The following GRID2 variants were observed in gnomAD, a reference collection of about 807,000 sequenced individuals.
GRID2 encodes the protein glutamate ionotropic receptor delta type subunit 2.
A neutral mutation model predicts 114.8 loss-of-function variants in GRID2; 33 were observed. The observed-to-expected ratio is 0.29, with a 90% CI of 0.22 to 0.38. The LOEUF is 0.38. Among genes scored for constraint, GRID2 ranks in the 10% least tolerant of loss-of-function variants. The pLI is 1.00. For missense variants in GRID2, 1,184 were observed against 1,257.7 expected (o/e 0.94, Z 0.89); for synonymous variants, 505 against 449.9 (o/e 1.12, Z -1.55).
chr4:92,314,351 C>A (rs572165514), intron 1 of GRID2, among the ~76,000 whole-genome samples: 2 of 152,140 alleles, frequency 1.3e-5, no homozygotes, highest in South Asian at 4.2e-4. Flanking sequence ...TATTTCTATT[C>A]TGTTAGTGGT....
At chr4:92,340,520 T>G (rs190991106) in intron 1 of GRID2, among the ~76,000 whole-genome samples, 21 of 152,310 alleles carry the variant, frequency 1.4e-4, no homozygotes, top group African/African-American at 4.6e-4. Flanking sequence ...AAATGCTACC[T>G]GCTTGTTCAT....
At chr4:93,607,915 T>A (rs1740426565) in intron 13 of GRID2, among the ~76,000 whole-genome samples, 1 of 152,018 alleles carries the variant, frequency 6.6e-6, no homozygotes, top group South Asian at 2.1e-4. Context: ...ATTTTAAACA[T>A]TAACTGTTTG....
chr4:92,928,884 T>A (rs753990778), intron 2 of GRID2, among the ~76,000 whole-genome samples: 3 of 151,448 alleles, frequency 2.0e-5, no homozygotes, highest in Non-Finnish European at 4.4e-5. Context: ...TTGAGAACCA[T>A]CTTTGGCAAC....
intron 4 of GRID2, among the ~76,000 whole-genome samples, chr4:93,117,425 C>T (rs1019234101): frequency 6.6e-6 from 1 of 151,992 alleles, no homozygotes; most frequent in Non-Finnish European, 1.5e-5. Context: ...TACAATCAGT[C>T]TGCTTTATTA....
chr4:92,916,859 T>A (rs1475473194), intron 2 of GRID2, among the ~76,000 whole-genome samples: 2 of 152,180 alleles, frequency 1.3e-5, no homozygotes, highest in Non-Finnish European at 1.5e-5. Flanking sequence ...TGATTTATAA[T>A]CCTTTGGGTA....
chr4:93,739,609 C>T (rs188963759), intron 14 of GRID2, among the ~76,000 whole-genome samples: 13 of 152,232 alleles, frequency 8.5e-5, no homozygotes, highest in African/African-American at 3.1e-4. Flanking sequence ...CTTTAAGGGA[C>T]TCCTAATTTG....
intron 8 of GRID2, among the ~76,000 whole-genome samples, chr4:93,272,662 C>T: frequency 6.6e-6 from 1 of 152,082 alleles, no homozygotes; most frequent in Non-Finnish European, 1.5e-5. Flanking sequence ...GGTTTTGATT[C>T]TGTTTTTTAA....
intron 2 of GRID2, among the ~76,000 whole-genome samples, chr4:92,865,509 A>G (rs945866579): frequency 6.6e-6 from 1 of 152,188 alleles, no homozygotes; most frequent in Non-Finnish European, 1.5e-5. Context: ...TTTGTCTATA[A>G]CTTGCCTAAT....
intron 2 of GRID2, among the ~76,000 whole-genome samples, chr4:92,806,249 A>G (rs1269051543): frequency 6.6e-6 from 1 of 151,554 alleles, no homozygotes; most frequent in African/African-American, 2.4e-5. Flanking sequence ...TTACCTTAAG[A>G]GATTCCATTC....
At chr4:92,613,802 T>G (rs1457315133) in intron 2 of GRID2, among the ~76,000 whole-genome samples, 1 of 151,480 alleles carries the variant, frequency 6.6e-6, no homozygotes, top group Non-Finnish European at 1.5e-5. Context: ...AACTTTTGAT[T>G]GTAGTGATTT....
chr4:93,036,164 A>G (rs1724914658), intron 2 of GRID2, among the ~76,000 whole-genome samples: 1 of 152,092 alleles, frequency 6.6e-6, no homozygotes, highest in African/African-American at 2.4e-5. Flanking sequence ...AAAAGGTGGC[A>G]ATAATCTTCT....
At chr4:92,394,869 C>G in intron 1 of GRID2, among the ~76,000 whole-genome samples, 1 of 151,510 alleles carries the variant, frequency 6.6e-6, no homozygotes, top group East Asian at 1.9e-4. Flanking sequence ...TTAGTTTCCT[C>G]TTAGTGTGTA....
At chr4:93,069,177 T>A (rs1728583695) in intron 2 of GRID2, among the ~76,000 whole-genome samples, 1 of 151,840 alleles carries the variant, frequency 6.6e-6, no homozygotes, top group African/African-American at 2.4e-5. Context: ...CGAGATTACA[T>A]TTCAACATTA....
rs1266661271 is a variant in GRID2 at position 92,449,710 on chromosome 4, T to TATATATATAA, written c.89-140420_89-140419insTATATATAAA. Among the ~76,000 whole-genome samples the TATATATATAA allele has an allele frequency of 3.5e-3, 467 of 131,562 alleles. 4 individuals are homozygous for TATATATATAA. Among genetic ancestry groups the TATATATATAA allele is most frequent in the African/African-American group, 0.012 (413 of 34,252 alleles). 86.3% of individuals were successfully genotyped at this position (131,562 alleles called of 152,430 possible). A position where few individuals can be genotyped will look rare whatever the true frequency, so the allele number is the denominator to read the frequency against. On this transcript the variant is annotated intron_variant, in intron 1 of 15. Coordinates refer to ENST00000282020, the MANE Select transcript of GRID2 (RefSeq NM_001510.4). ...ATATATATATATATATATATATATATAACACTTAAGCCAAATTCATTTATA... is the reference window on the plus strand; with the variant it reads ...ATATATATATATATATATATATATATATATATATAAAACACTTAAGCCAAATTCATTTATA...
intron 13 of GRID2, among the ~76,000 whole-genome samples, chr4:93,519,889 G>A (rs570123062): frequency 1.3e-5 from 2 of 152,080 alleles, no homozygotes; most frequent in Non-Finnish European, 1.5e-5. Flanking sequence ...TGCTATTACT[G>A]GGGGGAACTC....
chr4:92,475,330 G>T (rs1722251568), intron 1 of GRID2, among the ~76,000 whole-genome samples: 1 of 151,122 alleles, frequency 6.6e-6, no homozygotes, highest in African/African-American at 2.4e-5. Flanking sequence ...TTTAATCCAT[G>T]TTGAATTGAT....
chr4:93,359,038 G>T (rs1408334765), intron 8 of GRID2, among the ~76,000 whole-genome samples: 2 of 152,016 alleles, frequency 1.3e-5, no homozygotes, highest in African/African-American at 4.8e-5. Context: ...AACTGGATCA[G>T]GTTTGACTCA....
At chr4:93,026,432 T>C (rs985591344) in intron 2 of GRID2, among the ~76,000 whole-genome samples, 38 of 151,912 alleles carry the variant, frequency 2.5e-4, no homozygotes, top group African/African-American at 8.7e-4. Flanking sequence ...GAAACAATTT[T>C]GTATCCTGAG....
At chr4:92,931,234 G>A (rs759989101) in intron 2 of GRID2, among the ~76,000 whole-genome samples, 5 of 150,626 alleles carry the variant, frequency 3.3e-5, no homozygotes, top group South Asian at 2.1e-4. Context: ...CATATTAATA[G>A]AATAAAGGAG....
Sources: allele counts gnomAD v4.1 joint callset (sites outside exome capture counted in the v4.1 genomes callset), GRCh38; gene constraint gnomAD v4.1.1; transcripts MANE v1.5; gene names NCBI Gene and HGNC (gene_info 2026-07-23, HGNC 2026-07-21).